Variants in CEP152 observed in about 807,000 individuals in gnomAD.
The protein encoded by CEP152 is centrosomal protein 152.
In CEP152, 132 loss-of-function variants were observed where a neutral mutation model predicts 188.9. That is an observed-to-expected ratio of 0.70 (90% confidence interval 0.61 to 0.81). CEP152 has a LOEUF of 0.81. Among genes scored for constraint, CEP152 ranks in the 30% least tolerant of loss-of-function variants. CEP152 has a pLI of 0.00. For synonymous variants in CEP152, 649 were observed against 666.6 expected, an observed-to-expected ratio of 0.97 and a Z score of 0.41; for missense variants, 1,914 against 1,969.8, an observed-to-expected ratio of 0.97 and a Z score of 0.54.
At chr15:48,732,060 T>C (rs982802529) in intron 2 of CEP152, among the ~76,000 whole-genome samples, 6 of 152,136 alleles carry the variant, frequency 3.9e-5, no homozygotes, top group Non-Finnish European at 5.9e-5. Context: ...TGAGGAGAAA[T>C]AGGAATGCTT....
chr15:48,784,210 G>T, intron 9 of CEP152, 90 bp from the exon 10 acceptor site: 2 of 1,281,472 alleles, frequency 1.6e-6, no homozygotes, highest in Non-Finnish European at 1.1e-6. Flanking sequence ...TAGATTTGAT[G>T]TCAAACACAA....
At chr15:48,806,483 C>T (rs552225085) in intron 1 of CEP152, among the ~76,000 whole-genome samples, 3 of 152,338 alleles carry the variant, frequency 2.0e-5, no homozygotes, top group African/African-American at 7.2e-5. Context: ...AAAAAGTAGG[C>T]AGGTGTCATC....
intron 21 of CEP152, among the ~76,000 whole-genome samples, chr15:48,751,251 T>C (rs1390640956): frequency 6.6e-6 from 1 of 152,216 alleles, no homozygotes; most frequent in Non-Finnish European, 1.5e-5. Flanking sequence ...AACTAATTGC[T>C]TTTATATTTA....
rs201569877 is a variant in CEP152, at chr15:48,784,104, C to T, written c.1190G>A (p.Arg397His). Reference sequence around the variant, plus strand: ...CAGTTGTTTCACGTGATCTTTCAGACGAGAGCAAATGTCTTCCTAAATAGA... The same window carrying T: ...CAGTTGTTTCACGTGATCTTTCAGATGAGAGCAAATGTCTTCCTAAATAGA... ...ALKEQEDICSRLKDHVKQLER... is the reference protein window; with the variant it reads ...ALKEQEDICSHLKDHVKQLER... The change falls in exon 10 of 27, where the codon CGT (arginine) becomes CAT (histidine). Residue 397 changes from arginine (R) to histidine (H), a missense_variant. Arg to His is a conservative substitution (Grantham distance 29, BLOSUM62 0). Coordinates refer to ENST00000380950, the MANE Select transcript of CEP152 (RefSeq NM_001194998.2). 2.4e-5 allele frequency: 38 copies of T among 1,613,146 alleles called. No homozygotes were observed. The highest frequency in any genetic ancestry group is 1.6e-4 in the Middle Eastern group (1 of 6,082).
At chr15:48,733,237 T>C (rs1322410439), downstream of CEP152, among the ~76,000 whole-genome samples, 5 of 152,108 alleles carry the variant, frequency 3.3e-5, no homozygotes, top group Non-Finnish European at 7.4e-5. Flanking sequence ...AAGGGGTGAC[T>C]GTTTGGGGTG....
intron 8 of CEP152, 33 bp downstream of exon 8, chr15:48,791,204 A>C: frequency 2.5e-6 from 4 of 1,585,922 alleles, no homozygotes; most frequent in Non-Finnish European, 3.4e-6. Context: ...TAAACTTTTA[A>C]TTTTTTTACC....
intron 5 of CEP152, among the ~76,000 whole-genome samples, chr15:48,796,601 G>A (rs777628638): frequency 1.1e-4 from 16 of 152,008 alleles, no homozygotes; most frequent in Non-Finnish European, 2.1e-4. Context: ...AACTCTTATG[G>A]GATGAATAAT....
At chr15:48,806,404 C>T (rs1453158936) in intron 1 of CEP152, among the ~76,000 whole-genome samples, 3 of 146,302 alleles carry the variant, frequency 2.1e-5, no homozygotes, top group Non-Finnish European at 4.7e-5. Flanking sequence ...GCTGATTTAA[C>T]TTGTACTTAG....
intron 24 of CEP152, 117 bp downstream of exon 24, chr15:48,744,123 A>G: frequency 6.7e-7 from 1 of 1,490,610 alleles, no homozygotes; most frequent in East Asian, 2.5e-5. Context: ...AGATTGAAGA[A>G]AAAGGTAATT....
rs1566970677 is a variant in CEP152 at position 48,738,417 on chromosome 15, A to G, written c.4965T>C (p.Asn1655=). 1 of 1,614,190 alleles carries G rather than the reference A, an allele frequency of 6.2e-7. No homozygotes were observed. Among genetic ancestry groups the G allele is most frequent in the East Asian group, 2.2e-5 (1 of 44,884 alleles). ...TYLEPGKISV[N]CGHPSRHKAD... is the part of the protein sequence containing the mutation. ...CCTTATGACGAGATGGGTGTCCACA[A>G]TTCACACTGATCTTTCCTGGCTCCA... Residue 1655 remains asparagine, a synonymous_variant, in exon 27 of 27, where the codon AAT becomes AAC. Coordinates refer to ENST00000380950, the MANE Select transcript of CEP152 (RefSeq NM_001194998.2).
intron 9 of CEP152, among the ~76,000 whole-genome samples, chr15:48,786,567 G>C (rs1896646718): frequency 6.6e-6 from 1 of 152,118 alleles, no homozygotes; most frequent in South Asian, 2.1e-4. Context: ...GTGTTACATG[G>C]ATATGTGGCA....
At position 48,783,621 on chromosome 15, in the gene CEP152, C is replaced by T. The variant is rs183861531; in HGVS notation, c.1321+352G>A. ...ATTGTCTATGTGTGTACATTCATTT[C>T]ATTTGAAGGAAATACATTCAAATGC... On this transcript the variant is annotated intron_variant, in intron 10 of 26. Transcript: ENST00000380950. Among the ~76,000 whole-genome samples the T allele has an allele frequency of 6.2e-3, 937 of 151,936 alleles. 10 individuals carry two copies. Among genetic ancestry groups the T allele is most frequent in the African/African-American group, 0.022 (902 of 41,472 alleles).
At chr15:48,798,404 A>T (rs139644858) in intron 2 of CEP152, among the ~76,000 whole-genome samples, 1 of 152,218 alleles carries the variant, frequency 6.6e-6, no homozygotes, top group Non-Finnish European at 1.5e-5. Flanking sequence ...AAGTCTCAGA[A>T]TCCTGTTTTA....
At chr15:48,804,872 T>C (rs1218998823) in intron 2 of CEP152, among the ~76,000 whole-genome samples, 1 of 152,238 alleles carries the variant, frequency 6.6e-6, no homozygotes, top group Admixed American at 6.5e-5. Flanking sequence ...CTGGCTCATA[T>C]ATACCCAATA....
At chr15:48,772,446 C>A (rs1489411674) in intron 13 of CEP152, 41 bp downstream of exon 13, 3 of 1,540,474 alleles carry the variant, frequency 1.9e-6, no homozygotes, top group African/African-American at 2.7e-5. Context: ...CTTTATTGAG[C>A]CTTTTAAAAA....
At position 48,752,477 on chromosome 15, in the gene CEP152, A is replaced by G; in HGVS notation, c.3346-8T>C. On this transcript the variant is annotated splice_polypyrimidine_tract_variant and splice_region_variant and intron_variant, in intron 20 of 26. Transcript: ENST00000380950. ...GAGCTCGGCCATATTTCTCTGAAATAAAGTATCTTCAAAGTTAATGCTTAG... is the reference window on the plus strand; with the variant it reads ...GAGCTCGGCCATATTTCTCTGAAATGAAGTATCTTCAAAGTTAATGCTTAG... The G allele has an allele frequency of 1.9e-6, 3 of 1,613,086 alleles. No homozygotes were observed. The highest frequency in any genetic ancestry group is 2.5e-6 in the Non-Finnish European group (3 of 1,179,990).
downstream of CEP152, among the ~76,000 whole-genome samples, chr15:48,734,848 C>T (rs1892544856): frequency 6.6e-6 from 1 of 152,040 alleles, no homozygotes; most frequent in African/African-American, 2.4e-5. Context: ...GGTATATATA[C>T]CTAACAACAA....
At chr15:48,804,451 T>G (rs1213559075) in intron 2 of CEP152, among the ~76,000 whole-genome samples, 1 of 152,194 alleles carries the variant, frequency 6.6e-6, no homozygotes. Flanking sequence ...AAAAAAGACT[T>G]TTTTACATGT....
At chr15:48,767,655 T>G (rs1895224822) in intron 15 of CEP152, among the ~76,000 whole-genome samples, 192 bp from the exon 16 acceptor site, 1 of 152,242 alleles carries the variant, frequency 6.6e-6, no homozygotes, top group Non-Finnish European at 1.5e-5. Context: ...CAAAATTTTC[T>G]TTCTTCAAAT....
Sources: allele counts gnomAD v4.1 joint callset (sites outside exome capture counted in the v4.1 genomes callset), GRCh38; gene constraint gnomAD v4.1.1; transcripts MANE v1.5; gene names NCBI Gene and HGNC (gene_info 2026-07-23, HGNC 2026-07-21).